Variants in PTPRD observed in about 807,000 individuals in gnomAD.
PTPRD encodes receptor-type tyrosine-protein phosphatase delta.
PTPRD carries 34 observed loss-of-function variants against 214.5 expected under a neutral mutation model. That is an observed-to-expected ratio of 0.16 (90% CI 0.12 to 0.21). PTPRD has a LOEUF of 0.21. Among genes scored for constraint, PTPRD ranks in the 10% least tolerant of loss-of-function variants. PTPRD has a pLI of 1.00. For synonymous variants in PTPRD, 1,128 were observed against 845.7 expected, an observed-to-expected ratio of 1.33 and a Z score of -5.79; for missense variants, 2,545 against 2,398.7, an observed-to-expected ratio of 1.06 and a Z score of -1.27.
At chr9:10,118,948 AC>A in intron 3 of PTPRD, among the ~76,000 whole-genome samples, 1 of 151,812 alleles carries the variant, frequency 6.6e-6, no homozygotes, top group East Asian at 1.9e-4. Context: ...TGAAAGAGAT[AC>A]ATAGAATAAA....
At chr9:9,633,485 C>A (rs1323089988) in intron 7 of PTPRD, among the ~76,000 whole-genome samples, 1 of 151,590 alleles carries the variant, frequency 6.6e-6, no homozygotes, top group Non-Finnish European at 1.5e-5. Context: ...CCTTGCATTG[C>A]CACTGCATAT....
intron 8 of PTPRD, among the ~76,000 whole-genome samples, chr9:9,457,239 A>G (rs1376557794): frequency 6.6e-6 from 1 of 151,996 alleles, no homozygotes; most frequent in East Asian, 1.9e-4. Context: ...TGATAAAAAT[A>G]GATTAATATT....
Position 9,954,977 on chromosome 9 carries a change from A to G in PTPRD, c.-471-16367T>C, listed in dbSNP as rs527630688. Among the ~76,000 whole-genome samples, 11 of 152,316 alleles carry G rather than the reference A, an allele frequency of 7.2e-5. No homozygotes were observed. The South Asian group carries it at 2.3e-3, about 32-fold the overall frequency. ...AAGATACCATTTCAGCTCACTTTATAAATAATTGTGCAAGAAATGTTAAAG... is the reference window on the plus strand; with the variant it reads ...AAGATACCATTTCAGCTCACTTTATGAATAATTGTGCAAGAAATGTTAAAG... On this transcript the variant is annotated intron_variant, in intron 4 of 45. Coordinates refer to ENST00000381196, the MANE Select transcript of PTPRD (RefSeq NM_002839.4).
At chr9:9,437,026 T>A (rs750866687) in intron 8 of PTPRD, among the ~76,000 whole-genome samples, 15 of 152,220 alleles carry the variant, frequency 9.9e-5, no homozygotes, top group Non-Finnish European at 1.8e-4. Context: ...ACAATGCAGA[T>A]CTTTTCCTTC....
chr9:10,428,602 G>A (rs1347993748), intron 2 of PTPRD, among the ~76,000 whole-genome samples: 2 of 152,144 alleles, frequency 1.3e-5, no homozygotes, highest in Admixed American at 6.6e-5. Context: ...CTGTTCTCAT[G>A]TCACATATAG....
chr9:9,488,993 C>T (rs2095785089), intron 8 of PTPRD, among the ~76,000 whole-genome samples: 1 of 152,122 alleles, frequency 6.6e-6, no homozygotes, highest in African/African-American at 2.4e-5. Context: ...TATTGTTGCA[C>T]TACTCACTAT....
chr9:9,133,241 T>G, intron 10 of PTPRD, among the ~76,000 whole-genome samples: 1 of 152,312 alleles, frequency 6.6e-6, no homozygotes, highest in East Asian at 1.9e-4. Context: ...GGCTGGCAGA[T>G]AGATGGTGAT....
chr9:9,348,522 A>G (rs558066190), intron 9 of PTPRD, among the ~76,000 whole-genome samples: 1 of 152,162 alleles, frequency 6.6e-6, no homozygotes, highest in African/African-American at 2.4e-5. Context: ...TGGGTGAACA[A>G]ATACTGTGGG....
At chr9:9,375,965 AAAAAT>A (rs2060673094) in intron 9 of PTPRD, among the ~76,000 whole-genome samples, 1 of 152,194 alleles carries the variant, frequency 6.6e-6, no homozygotes, top group Non-Finnish European at 1.5e-5. Flanking sequence ...TTACCACAGT[AAAAAT>A]AAAATAAAAT....
intron 3 of PTPRD, among the ~76,000 whole-genome samples, chr9:10,296,314 C>T (rs184842057): frequency 6.6e-5 from 10 of 152,046 alleles, no homozygotes; most frequent in Admixed American, 6.6e-4. Context: ...GTATCAAAGC[C>T]TGAAACTTAT....
Position 10,288,820 on chromosome 9 carries a change from C to G in PTPRD, c.-545+52143G>C, listed in dbSNP as rs540099862. ...TGGAAAATTAAAAACTTTTTTTCTG[C>G]TTTTTGAAGGGTTTATTTCAGAGAT... is the stretch of plus-strand genomic sequence containing the variant. On this transcript the variant is annotated intron_variant, in intron 3 of 45. Transcript: ENST00000381196. Among the ~76,000 whole-genome samples, 429 of 147,480 alleles carry G rather than the reference C, an allele frequency of 2.9e-3. 3 individuals are homozygous for G. Among genetic ancestry groups the G allele is most frequent in the African/African-American group, 0.01 (406 of 39,252 alleles).
At chr9:9,551,343 T>A (rs1487040589) in intron 8 of PTPRD, among the ~76,000 whole-genome samples, 1 of 152,024 alleles carries the variant, frequency 6.6e-6, no homozygotes, top group Non-Finnish European at 1.5e-5. Context: ...GGGTCTCTAA[T>A]TATTCCCTAA....
At chr9:9,053,878 TC>T (rs1290082930) in intron 10 of PTPRD, among the ~76,000 whole-genome samples, 2 of 152,118 alleles carry the variant, frequency 1.3e-5, no homozygotes, top group South Asian at 2.1e-4. Context: ...GAAGCCAAAA[TC>T]TAAATGGATA....
At position 8,485,530 on chromosome 9, in the gene PTPRD, T is replaced by C. The variant is rs933798848; in HGVS notation, c.3056-206A>G. 9.6e-5 allele frequency: 60 copies of C among 622,714 alleles called. No individual in the cohort carries two copies. The African/African-American group carries it at 1.0e-3, about 11-fold the overall frequency. The allele number at this position is 622,714 out of a possible 1,614,324, so 38.6% of individuals were successfully genotyped here. A position where few individuals can be genotyped will look rare whatever the true frequency, so the allele number is the denominator to read the frequency against. On this transcript the variant is annotated intron_variant, in intron 28 of 45. Coordinates refer to ENST00000381196, the MANE Select transcript of PTPRD (RefSeq NM_002839.4). ...TTTCTCTCCAATTCAGCCAACTCTA[T>C]TGTGTTTTCCTTACCTGAGGACATT...
In PTPRD at chr9:8,504,241, A is replaced by C; in HGVS notation, c.1822+20T>G. 1 of 1,613,464 alleles carries C rather than the reference A, an allele frequency of 6.2e-7. No individual in the cohort carries two copies. The highest frequency in any genetic ancestry group is 8.5e-7 in the Non-Finnish European group (1 of 1,179,626). Reference sequence around the variant, plus strand: ...CCGAGGAAATAAAAAGGCAGAAAGTAAGCAAAGAGAGACACCTACTTGACT... The same window carrying C: ...CCGAGGAAATAAAAAGGCAGAAAGTCAGCAAAGAGAGACACCTACTTGACT... On this transcript the variant is annotated intron_variant, in intron 23 of 45. Transcript: ENST00000381196.
In PTPRD at chr9:8,930,372, C is replaced by G. The variant is rs201730246; in HGVS notation, c.-104+88325G>C. Among the ~76,000 whole-genome samples, 1,006 of 152,046 alleles carry G rather than the reference C, an allele frequency of 6.6e-3. 9 individuals are homozygous for G. The highest frequency in any genetic ancestry group is 0.014 in the Middle Eastern group (4 of 294). Reference sequence around the variant, plus strand: ...AATCCAGTCTATCATTGTTGGACATCTGGGTTGGTTCCAAGTCTTTGCTAT... The same window carrying G: ...AATCCAGTCTATCATTGTTGGACATGTGGGTTGGTTCCAAGTCTTTGCTAT... On this transcript the variant is annotated intron_variant, in intron 11 of 45. Coordinates refer to ENST00000381196, the MANE Select transcript of PTPRD (RefSeq NM_002839.4).
In PTPRD at chr9:9,930,708, A is replaced by G. The variant is rs183049755; in HGVS notation, c.-368+7799T>C. On this transcript the variant is annotated intron_variant, in intron 5 of 45. Transcript: ENST00000381196. ...TATTCTGCTTACACTTGACACAAAT[A>G]TAATATTTAAATTTATGAAATATGT... Among the ~76,000 whole-genome samples the G allele has an allele frequency of 4.6e-5, 7 of 152,260 alleles. No homozygotes were observed. The East Asian group carries it at 1.3e-3, about 29-fold the overall frequency.
intron 2 of PTPRD, among the ~76,000 whole-genome samples, chr9:10,579,829 T>A (rs2071038971): frequency 6.6e-6 from 1 of 152,156 alleles, no homozygotes; most frequent in African/African-American, 2.4e-5. Flanking sequence ...TTCTCGTGGT[T>A]TTGATTTGAA....
chr9:10,336,386 C>G (rs535932574), intron 3 of PTPRD, among the ~76,000 whole-genome samples: 1 of 151,392 alleles, frequency 6.6e-6, no homozygotes, highest in African/African-American at 2.4e-5. Flanking sequence ...CGGAAGGAAA[C>G]GAGCATGAGG....
Sources: allele counts gnomAD v4.1 joint callset (sites outside exome capture counted in the v4.1 genomes callset), GRCh38; gene constraint gnomAD v4.1.1; transcripts MANE v1.5; gene names NCBI Gene and HGNC (gene_info 2026-07-23, HGNC 2026-07-21).